The following CALN1 variants were observed in gnomAD, a reference collection of about 807,000 sequenced individuals.
The protein encoded by CALN1 is calneuron 1.
In CALN1, 17 loss-of-function variants were observed where a neutral mutation model predicts 30.6. The observed-to-expected ratio is 0.56, with a 90% CI of 0.38 to 0.83. The LOEUF (loss-of-function observed/expected upper bound fraction) is 0.83, where lower values mean the gene tolerates loss of function less well. Ranked by LOEUF, CALN1 falls within the 40% of genes least tolerant of loss-of-function variation. The pLI is 0.00. For synonymous variants in CALN1, 156 were observed against 131.4 expected (o/e 1.19, Z -1.28); for missense variants, 291 against 354.9 (o/e 0.82, Z 1.45).
At chr7:72,306,208 T>C (rs562913609) in intron 2 of CALN1, among the ~76,000 whole-genome samples, 2 of 152,322 alleles carry the variant, frequency 1.3e-5, no homozygotes, top group East Asian at 1.9e-4. Context: ...TATTTTGAAA[T>C]GGTCCTGCAA....
chr7:72,437,910 CCCTTCCCTCTCTCCCTT>C (rs1267167837), intron 1 of CALN1, among the ~76,000 whole-genome samples: 78 of 144,268 alleles, frequency 5.4e-4, no homozygotes, highest in Middle Eastern at 3.6e-3. Flanking sequence ...CTCCCTCCTT[CCCTTCCCTCTCTCCCTT>C]CCTTCCCTCT....
intron 3 of CALN1, among the ~76,000 whole-genome samples, chr7:72,137,960 A>G (rs1180089929): frequency 6.6e-6 from 1 of 152,244 alleles, no homozygotes; most frequent in Non-Finnish European, 1.5e-5. Flanking sequence ...AAAGACATAT[A>G]GGATTTCTTT....
chr7:71,812,647 G>A (rs1418377881), intron 5 of CALN1, among the ~76,000 whole-genome samples: 1 of 152,144 alleles, frequency 6.6e-6, no homozygotes, highest in Non-Finnish European at 1.5e-5. Context: ...GAAATTCCTG[G>A]CGTTGCAGCA....
rs114929346 is a variant in CALN1, at chr7:72,326,343, C to T, written c.120-47533G>A. Among the ~76,000 whole-genome samples, 1,195 of 152,266 alleles carry T rather than the reference C, an allele frequency of 7.8e-3. 19 individuals carry two copies. Among genetic ancestry groups the T allele is most frequent in the African/African-American group, 0.027 (1,140 of 41,536 alleles). ...ACCTCTGGGTTTCCAAGTACTAAGC[C>T]GTGACCCTGTGCAACATCTCTGTGA... On this transcript the variant is annotated intron_variant, in intron 2 of 6. Coordinates refer to ENST00000395275, the MANE Select transcript of CALN1 (RefSeq NM_031468.4).
chr7:72,479,256 A>G, the CALN1 span, among the ~76,000 whole-genome samples: 1 of 152,094 alleles, frequency 6.6e-6, no homozygotes, highest in Non-Finnish European at 1.5e-5. Context: ...TCTTCTTATC[A>G]AGTTTGGAAA....
At chr7:72,274,447 G>A (rs920559335) in intron 3 of CALN1, among the ~76,000 whole-genome samples, 1 of 151,066 alleles carries the variant, frequency 6.6e-6, no homozygotes, top group African/African-American at 2.4e-5. Flanking sequence ...GGTGGAGGTT[G>A]CAGTGAGCAA....
intron 3 of CALN1, among the ~76,000 whole-genome samples, chr7:72,276,009 C>T (rs1299637282): frequency 6.6e-6 from 1 of 152,162 alleles, no homozygotes; most frequent in Non-Finnish European, 1.5e-5. Context: ...ACAGAGAAAT[C>T]ATCTCTTGAT....
At chr7:72,125,621 C>A (rs1808695968) in intron 3 of CALN1, among the ~76,000 whole-genome samples, 1 of 151,986 alleles carries the variant, frequency 6.6e-6, no homozygotes, top group South Asian at 2.1e-4. Flanking sequence ...AATTTTATTT[C>A]AACAGTTTTT....
At chr7:72,273,501 C>CTTT (rs773609513) in intron 3 of CALN1, among the ~76,000 whole-genome samples, 16 of 101,824 alleles carry the variant, frequency 1.6e-4, no homozygotes, top group Middle Eastern at 6.5e-3. Context: ...AGGCAAGATT[C>CTTT]TTTTTTTTTT....
chr7:72,339,757 G>C (rs1270868377), intron 2 of CALN1, among the ~76,000 whole-genome samples: 1 of 152,186 alleles, frequency 6.6e-6, no homozygotes, highest in Non-Finnish European at 1.5e-5. Context: ...GCAAGCAAGA[G>C]AGCTTGTGCA....
At chr7:72,087,178 T>C (rs1369385464) in intron 4 of CALN1, among the ~76,000 whole-genome samples, 2 of 152,190 alleles carry the variant, frequency 1.3e-5, no homozygotes, top group Non-Finnish European at 2.9e-5. Flanking sequence ...TACTATTGTT[T>C]TGATCTAAAT....
At chr7:71,862,990 G>T (rs1309165325) in intron 5 of CALN1, among the ~76,000 whole-genome samples, 2 of 152,088 alleles carry the variant, frequency 1.3e-5, no homozygotes, top group African/African-American at 4.8e-5. Context: ...TGGGCGTGGT[G>T]GCTCACGCCT....
chr7:71,932,325 A>G (rs1312015491), intron 5 of CALN1, among the ~76,000 whole-genome samples: 1 of 152,022 alleles, frequency 6.6e-6, no homozygotes, highest in Admixed American at 6.6e-5. Flanking sequence ...ACAGGCACAC[A>G]CCACCATGCC....
At chr7:71,835,648 A>C (rs1789556617) in intron 5 of CALN1, among the ~76,000 whole-genome samples, 2 of 152,244 alleles carry the variant, frequency 1.3e-5, no homozygotes, top group South Asian at 4.1e-4. Flanking sequence ...TTATAGAAAC[A>C]AGGTAACAGA....
Position 72,163,391 on chromosome 7 carries a change from T to TAAAAAAA in CALN1, c.245-57098_245-57097insTTTTTTT, listed in dbSNP as rs1563111506. Among the ~76,000 whole-genome samples the TAAAAAAA allele has an allele frequency of 4.2e-3, 546 of 130,326 alleles. 6 individuals carry two copies. The highest frequency in any genetic ancestry group is 0.014 in the African/African-American group (481 of 35,054). The allele number at this position is 130,326 out of a possible 152,430, so 85.5% of individuals were successfully genotyped here. On this transcript the variant is annotated intron_variant, in intron 3 of 6. Coordinates refer to ENST00000395275, the MANE Select transcript of CALN1 (RefSeq NM_031468.4). ...CTACAAGAAAAAAACTTATTGGAGA[T>TAAAAAAA]TAAAAAAAAAAAAAAAAAACAGAAA...
rs1004565484 is a variant in CALN1, at chr7:71,849,880, G to A, written c.502-39388C>T. Reference sequence around the variant, plus strand: ...ACTCCCAGCCTCAAGCAATCCTCCCGCCCAGGCCTTCCAAAGCACTGGGAT... The same window carrying A: ...ACTCCCAGCCTCAAGCAATCCTCCCACCCAGGCCTTCCAAAGCACTGGGAT... On this transcript the variant is annotated intron_variant, in intron 5 of 6. Coordinates refer to ENST00000395275, the MANE Select transcript of CALN1 (RefSeq NM_031468.4). Among the ~76,000 whole-genome samples, 8 of 152,156 alleles carry A rather than the reference G, an allele frequency of 5.3e-5. No homozygotes were observed. The East Asian group carries it at 1.2e-3, about 22-fold the overall frequency.
At chr7:72,240,470 C>T (rs535594604) in intron 3 of CALN1, among the ~76,000 whole-genome samples, 26 of 152,178 alleles carry the variant, frequency 1.7e-4, no homozygotes, top group Non-Finnish European at 3.2e-4. Flanking sequence ...GCTGGTGTTA[C>T]AGGTATGAGC....
intron 1 of CALN1, among the ~76,000 whole-genome samples, chr7:72,439,432 G>A (rs10226752): frequency 0.012 from 1,779 of 152,214 alleles, 37 homozygotes; most frequent in African/African-American, 0.04. Context: ...CATATGTTGT[G>A]TGTTACATGT....
chr7:71,990,643 G>A (rs1039938092), intron 5 of CALN1, among the ~76,000 whole-genome samples: 1 of 151,926 alleles, frequency 6.6e-6, no homozygotes, highest in Non-Finnish European at 1.5e-5. Flanking sequence ...AGCAGAGATG[G>A]GGTTTCACCA....
Sources: allele counts gnomAD v4.1 joint callset (sites outside exome capture counted in the v4.1 genomes callset), GRCh38; gene constraint gnomAD v4.1.1; transcripts MANE v1.5; gene names NCBI Gene and HGNC (gene_info 2026-07-23, HGNC 2026-07-21).